The following FSTL4 variants were observed in gnomAD, a reference collection of about 807,000 sequenced individuals.
FSTL4 encodes the protein follistatin-related protein 4.
A neutral mutation model predicts 78.2 loss-of-function variants in FSTL4; 28 were observed. That is an observed-to-expected ratio of 0.36 (90% CI 0.27 to 0.49). FSTL4 has a LOEUF of 0.49. FSTL4 is among the 20% of genes least tolerant of loss of function. The pLI is 0.98. For synonymous variants in FSTL4, 422 were observed against 440.5 expected (o/e 0.96, Z 0.53); for missense variants, 922 against 1,084.9 (o/e 0.85, Z 2.11).
rs531868111 is a variant in FSTL4, at chr5:133,233,672, C to G, written c.895-135G>C. ...CTGCCTGGCCCTTGCTCAGCCAGAG[C>G]TGTCTGCAGGGGTGAGCCGTCCTGG... On this transcript the variant is annotated intron_variant, in intron 7 of 15. Transcript: ENST00000265342. The G allele has an allele frequency of 6.4e-6, 7 of 1,101,816 alleles. No individual in the cohort carries two copies. The African/African-American group carries it at 1.1e-4, about 17-fold the overall frequency. 68.3% of individuals were successfully genotyped at this position (1,101,816 alleles called of 1,614,324 possible).
At chr5:133,710,469 G>C in the FSTL4 span, among the ~76,000 whole-genome samples, 1 of 152,182 alleles carries the variant, frequency 6.6e-6, no homozygotes, top group African/African-American at 2.4e-5. Context: ...TGATAACTGG[G>C]ATGAGTGTCC....
At chr5:133,230,839 T>C (rs998205750) in intron 8 of FSTL4, among the ~76,000 whole-genome samples, 2 of 152,216 alleles carry the variant, frequency 1.3e-5, no homozygotes, top group Admixed American at 6.5e-5. Context: ...ACTCATGTTC[T>C]GTCATTAGCA....
Position 133,422,701 on chromosome 5 carries a change from C to T in FSTL4, c.161-21715G>A, listed in dbSNP as rs568027258. Among the ~76,000 whole-genome samples, 3 of 152,254 alleles carry T rather than the reference C, an allele frequency of 2.0e-5. No individual in the cohort carries two copies. The East Asian group carries it at 5.8e-4, about 29-fold the overall frequency. ...TTAAAGTCATGGGACTAGAAGACAT[C>T]ACCTAGGGAATGAGAGTAAATAGAA... On this transcript the variant is annotated intron_variant, in intron 3 of 15. Coordinates refer to ENST00000265342, the MANE Select transcript of FSTL4 (RefSeq NM_015082.2).
chr5:133,776,593 T>G, the FSTL4 span, among the ~76,000 whole-genome samples: 1 of 152,176 alleles, frequency 6.6e-6, no homozygotes, highest in Admixed American at 6.5e-5. Flanking sequence ...GCAAATACCT[T>G]TATTTCTCAG....
At chr5:133,452,543 G>C (rs538182192) in intron 3 of FSTL4, among the ~76,000 whole-genome samples, 1 of 152,348 alleles carries the variant, frequency 6.6e-6, no homozygotes, top group South Asian at 2.1e-4. Flanking sequence ...GCTTTACTAA[G>C]TGCTAGGCTC....
intron 6 of FSTL4, among the ~76,000 whole-genome samples, chr5:133,273,445 C>T (rs1752811312): frequency 6.6e-6 from 1 of 152,188 alleles, no homozygotes; most frequent in Non-Finnish European, 1.5e-5. Flanking sequence ...GTCCTCCAGC[C>T]TGGGGCCCTG....
chr5:133,202,150 G>A (rs1750343725), intron 14 of FSTL4, 108 bp from the exon 15 acceptor site: 3 of 639,268 alleles, frequency 4.7e-6, no homozygotes, highest in Non-Finnish European at 8.3e-6. Context: ...GTGCTTGGGA[G>A]AGAGATGACT....
At chr5:133,472,216 G>T (rs1394933786) in intron 3 of FSTL4, among the ~76,000 whole-genome samples, 1 of 152,066 alleles carries the variant, frequency 6.6e-6, no homozygotes, top group Admixed American at 6.6e-5. Flanking sequence ...ATTTCAACCT[G>T]GAATTCTATA....
intron 2 of FSTL4, among the ~76,000 whole-genome samples, chr5:133,602,442 T>C (rs948150753): frequency 1.2e-4 from 19 of 152,362 alleles, no homozygotes; most frequent in African/African-American, 4.6e-4. Context: ...CTTGATACTT[T>C]TATTTGAAAT....
chr5:133,570,317 T>C (rs1184960188), intron 2 of FSTL4, among the ~76,000 whole-genome samples: 2 of 152,142 alleles, frequency 1.3e-5, no homozygotes, highest in African/African-American at 2.4e-5. Flanking sequence ...TAGGATTATC[T>C]TATTTTAAAA....
At chr5:133,314,384 T>C (rs899743884) in intron 5 of FSTL4, among the ~76,000 whole-genome samples, 5 of 152,318 alleles carry the variant, frequency 3.3e-5, no homozygotes, top group Admixed American at 1.3e-4. Context: ...AGGCCTTGAA[T>C]GGGCTTGCGC....
the FSTL4 span, among the ~76,000 whole-genome samples, chr5:133,735,249 G>C: frequency 1.3e-5 from 2 of 152,182 alleles, no homozygotes; most frequent in Non-Finnish European, 1.5e-5. Flanking sequence ...CATATCACGA[G>C]GTCAGGAGAT....
chr5:133,802,353 AACAT>A, the FSTL4 span, among the ~76,000 whole-genome samples: 1 of 152,246 alleles, frequency 6.6e-6, no homozygotes, highest in Non-Finnish European at 1.5e-5. Context: ...GGGTGTTTTC[AACAT>A]AAAACCCATG....
At chr5:133,542,407 T>C (rs2112374) in intron 3 of FSTL4, among the ~76,000 whole-genome samples, 64,901 of 151,964 alleles carry the variant, frequency 0.43, 14,448 homozygotes, top group African/African-American at 0.55. Flanking sequence ...ACTTTTGTAT[T>C]TATGTACAAA....
At chr5:133,356,856 C>T (rs994174505) in intron 4 of FSTL4, among the ~76,000 whole-genome samples, 9 of 152,208 alleles carry the variant, frequency 5.9e-5, no homozygotes, top group Non-Finnish European at 7.3e-5. Context: ...GGCATGCAAA[C>T]GAGGCCCTAG....
chr5:133,401,038 G>A, intron 3 of FSTL4, 52 bp from the exon 4 acceptor site: 1 of 1,596,522 alleles, frequency 6.3e-7, no homozygotes, highest in Non-Finnish European at 8.6e-7. Flanking sequence ...AGAGGGTCTG[G>A]GGTCGAGGGC....
chr5:133,238,878 T>A (rs1364759144), intron 7 of FSTL4, among the ~76,000 whole-genome samples: 1 of 152,212 alleles, frequency 6.6e-6, no homozygotes, highest in East Asian at 1.9e-4. Flanking sequence ...CGGCCTTGGT[T>A]CCCACTCTGG....
intron 2 of FSTL4, among the ~76,000 whole-genome samples, chr5:133,593,247 A>G (rs1760668527): frequency 6.6e-6 from 1 of 151,944 alleles, no homozygotes; most frequent in African/African-American, 2.4e-5. Context: ...GTCCACCACT[A>G]ATAATGAGCA....
rs961265237 is a variant in FSTL4 at position 133,440,892 on chromosome 5, T to C, written c.161-39906A>G. 6.6e-6 allele frequency among the ~76,000 whole-genome samples: 1 copy of C among 152,180 alleles called. No homozygotes were observed. Among genetic ancestry groups the C allele is most frequent in the East Asian group, 1.9e-4 (1 of 5,196 alleles). ...TCAGATACAGTGGACTACTGCCTCC[T>C]GCACTTGGCCTCCTGGGTCTGGGTC... On this transcript the variant is annotated intron_variant, in intron 3 of 15. Transcript: ENST00000265342. The surrounding 1 kb of genome is among the most constrained non-coding windows in gnomAD (Gnocchi z 4.1).
Sources: allele counts gnomAD v4.1 joint callset (sites outside exome capture counted in the v4.1 genomes callset), GRCh38; gene constraint gnomAD v4.1.1; non-coding constraint Gnocchi (gnomAD v3.1); transcripts MANE v1.5; gene names NCBI Gene and HGNC (gene_info 2026-07-23, HGNC 2026-07-21).